ANKRD30B: variants seen among roughly 807,000 people sequenced by gnomAD.
The protein encoded by ANKRD30B is ankyrin repeat domain-containing protein 30B.
A neutral mutation model predicts 202.2 loss-of-function variants in ANKRD30B; 144 were observed. That is an observed-to-expected ratio of 0.71 (90% confidence interval 0.62 to 0.82). The LOEUF (loss-of-function observed/expected upper bound fraction) is 0.82, where lower values mean the gene tolerates loss of function less well. ANKRD30B is among the 40% of genes least tolerant of loss of function. ANKRD30B has a pLI of 0.00. For synonymous variants in ANKRD30B, 508 were observed against 561.3 expected (o/e 0.91, Z 1.34); for missense variants, 1,487 against 1,669.1 (o/e 0.89, Z 1.90).
At chr18:14,871,314 C>G in the ANKRD30B span, among the ~76,000 whole-genome samples, 1 of 141,762 alleles carries the variant, frequency 7.1e-6, no homozygotes, top group South Asian at 2.4e-4. Flanking sequence ...CCAATTCCCA[C>G]GCTCTTGGCA....
rs376271746 is a variant in ANKRD30B, at chr18:14,810,629, AGT to A, written c.2488+465_2488+466del. 1.4e-3 allele frequency among the ~76,000 whole-genome samples: 215 copies of A among 149,664 alleles called. 7 individuals are homozygous for A. Among genetic ancestry groups the A allele is most frequent in the African/African-American group, 4.9e-3 (199 of 40,474 alleles). ...TCTTGTTTTTCTGATTAGGTGACTG[AGT>A]GTGTGTGTGTGTGTGACATATAATT... On this transcript the variant is annotated intron_variant, in intron 28 of 43. Coordinates refer to ENST00000690538, the MANE Select transcript of ANKRD30B (RefSeq NM_001367607.2).
chr18:14,794,945 C>G (rs953283287), intron 16 of ANKRD30B, among the ~76,000 whole-genome samples: 1 of 152,132 alleles, frequency 6.6e-6, no homozygotes, highest in East Asian at 1.9e-4. Flanking sequence ...AGATATATTT[C>G]TATTTCAAAG....
chr18:14,758,803 G>A (rs933688689), intron 5 of ANKRD30B, among the ~76,000 whole-genome samples: 13 of 152,144 alleles, frequency 8.5e-5, no homozygotes, highest in African/African-American at 2.7e-4. Context: ...CTGTACGACA[G>A]GTTGAAATAC....
Position 14,839,619 on chromosome 18 carries a change from A to T in ANKRD30B, c.2989-969A>T, listed in dbSNP as rs190654452. ...ATGAAGGCTTGCTCTACTTTTCTGAAGTTATGCCTTAAGAACGAATTGCAT... is the reference window on the plus strand; with the variant it reads ...ATGAAGGCTTGCTCTACTTTTCTGATGTTATGCCTTAAGAACGAATTGCAT... On this transcript the variant is annotated intron_variant, in intron 36 of 43. Coordinates refer to ENST00000690538, the MANE Select transcript of ANKRD30B (RefSeq NM_001367607.2). 2.6e-3 allele frequency among the ~76,000 whole-genome samples: 397 copies of T among 152,328 alleles called. 4 individuals are homozygous for T. Among genetic ancestry groups the T allele is most frequent in the African/African-American group, 9.1e-3 (378 of 41,572 alleles).
the ANKRD30B span, among the ~76,000 whole-genome samples, chr18:14,931,279 C>T: frequency 1.3e-5 from 2 of 152,126 alleles, no homozygotes; most frequent in Non-Finnish European, 2.9e-5. Context: ...CAGAAGTGTC[C>T]TAGAGTGGAA....
the ANKRD30B span, among the ~76,000 whole-genome samples, chr18:14,889,188 AT>A: frequency 3.3e-5 from 5 of 151,776 alleles, no homozygotes; most frequent in South Asian, 6.3e-4. Flanking sequence ...ATTAGGACCT[AT>A]TTCCCCCTAA....
intron 37 of ANKRD30B, among the ~76,000 whole-genome samples, chr18:14,842,443 G>A (rs1971456679): frequency 6.6e-6 from 1 of 152,122 alleles, no homozygotes; most frequent in African/African-American, 2.4e-5. Flanking sequence ...CATCATAACG[G>A]TGTACCATCT....
At chr18:14,866,950 C>T in the ANKRD30B span, among the ~76,000 whole-genome samples, 1 of 132,024 alleles carries the variant, frequency 7.6e-6, no homozygotes, top group South Asian at 2.8e-4. Flanking sequence ...GCTACAATGT[C>T]AGCAACAATG....
the ANKRD30B span, among the ~76,000 whole-genome samples, chr18:14,879,083 G>A: frequency 7.2e-5 from 11 of 151,836 alleles, no homozygotes; most frequent in Non-Finnish European, 5.9e-5. Flanking sequence ...GGGGGACACC[G>A]CGAAGGCAGA....
chr18:14,799,906 T>C (rs1211181758), intron 22 of ANKRD30B, among the ~76,000 whole-genome samples: 1 of 152,114 alleles, frequency 6.6e-6, no homozygotes, highest in African/African-American at 2.4e-5. Context: ...CCTGAATTAA[T>C]TTTTGTTGTC....
intron 10 of ANKRD30B, among the ~76,000 whole-genome samples, chr18:14,779,202 T>A (rs1230413588): frequency 6.6e-6 from 1 of 152,192 alleles, no homozygotes; most frequent in African/African-American, 2.4e-5. Context: ...ATATATTGAT[T>A]TTCTGCCTCA....
the ANKRD30B span, among the ~76,000 whole-genome samples, chr18:14,939,268 G>A: frequency 6.6e-6 from 1 of 152,132 alleles, no homozygotes; most frequent in Non-Finnish European, 1.5e-5. Flanking sequence ...TTTGCCCTAG[G>A]ATTACAGGAC....
intron 11 of ANKRD30B, among the ~76,000 whole-genome samples, chr18:14,782,079 G>C (rs1234553887): frequency 1.3e-5 from 2 of 152,134 alleles, no homozygotes; most frequent in Non-Finnish European, 2.9e-5. Context: ...CTCGGCCTTC[G>C]AAGAAGTTTT....
intron 39 of ANKRD30B, among the ~76,000 whole-genome samples, chr18:14,844,215 A>G (rs563100841): frequency 2.6e-5 from 4 of 152,366 alleles, no homozygotes; most frequent in Non-Finnish European, 4.4e-5. Context: ...AAACAAATAT[A>G]TGAAAATAAA....
intron 14 of ANKRD30B, among the ~76,000 whole-genome samples, chr18:14,785,091 G>A (rs1470788930): frequency 1.3e-5 from 2 of 152,046 alleles, no homozygotes; most frequent in Admixed American, 6.6e-5. Context: ...TAAAGATGAG[G>A]AAAGTAATTA....
intron 39 of ANKRD30B, among the ~76,000 whole-genome samples, chr18:14,847,183 G>C (rs1426720248): frequency 6.7e-6 from 1 of 149,332 alleles, no homozygotes; most frequent in South Asian, 2.1e-4. Context: ...TGGCTATTAG[G>C]TATAACTCTT....
At chr18:14,756,727 C>T (rs2143671669) in intron 4 of ANKRD30B, among the ~76,000 whole-genome samples, 1 of 152,254 alleles carries the variant, frequency 6.6e-6, no homozygotes, top group East Asian at 1.9e-4. Flanking sequence ...AACCGCATCT[C>T]TACTAAAAAT....
chr18:14,788,090 A>G (rs1968203380), intron 15 of ANKRD30B, among the ~76,000 whole-genome samples: 1 of 152,236 alleles, frequency 6.6e-6, no homozygotes, highest in Admixed American at 6.5e-5. Flanking sequence ...AGACTCTAAA[A>G]GTTCAAGACA....
intron 33 of ANKRD30B, among the ~76,000 whole-genome samples, chr18:14,830,400 C>A (rs971650540): frequency 6.6e-6 from 1 of 152,020 alleles, no homozygotes; most frequent in Non-Finnish European, 1.5e-5. Flanking sequence ...GACTTTCTTA[C>A]TTTTAATGTT....
Sources: allele counts gnomAD v4.1 joint callset (sites outside exome capture counted in the v4.1 genomes callset), GRCh38; gene constraint gnomAD v4.1.1; transcripts MANE v1.5; gene names NCBI Gene and HGNC (gene_info 2026-07-23, HGNC 2026-07-21).